SREBF1: variants seen among roughly 807,000 people sequenced by gnomAD.
SREBF1 encodes sterol regulatory element-binding protein 1.
In SREBF1, 45 loss-of-function variants were observed where a neutral mutation model predicts 100.1. That is an observed-to-expected ratio of 0.45 (90% CI 0.35 to 0.58). SREBF1 has a LOEUF of 0.58. Among genes scored for constraint, SREBF1 ranks in the 20% least tolerant of loss-of-function variants. SREBF1 has a pLI of 0.00. For synonymous variants in SREBF1, 657 were observed against 681.8 expected (o/e 0.96, Z 0.57); for missense variants, 1,324 against 1,539.4 (o/e 0.86, Z 2.34).
chr17:17,812,927 C>G (rs1330607697), intron 18 of SREBF1, 76 bp from the exon 19 acceptor site: 10 of 1,342,856 alleles, frequency 7.4e-6, no homozygotes, highest in Non-Finnish European at 9.8e-6. Flanking sequence ...CACACACAAG[C>G]CACGGCACCA....
Position 17,824,974 on chromosome 17 carries a change from C to A in SREBF1, c.92-4453G>T, listed in dbSNP as rs2034392069. Among the ~76,000 whole-genome samples the A allele has an allele frequency of 6.6e-6, 1 of 152,182 alleles. No individual in the cohort carries two copies. The highest frequency in any genetic ancestry group is 2.4e-5 in the African/African-American group (1 of 41,434). ...CCCTCCCCTCAGCCCGCGGGTGTTC[C>A]CTCACCCCCAAAACAAAACACAGCA... On this transcript the variant is annotated intron_variant, in intron 1 of 18. Transcript: ENST00000261646. This position sits in a 1 kb window ranked among gnomAD's most constrained non-coding sequence, Gnocchi z 4.2.
rs1369627970 is a variant in SREBF1, at chr17:17,820,013, C to T, written c.523+77G>A. The T allele has an allele frequency of 4.1e-6, 6 of 1,464,540 alleles. No homozygotes were observed. The African/African-American group carries it at 5.7e-5, about 14-fold the overall frequency. The allele number at this position is 1,464,540 out of a possible 1,614,324, so 90.7% of individuals were successfully genotyped here. A position where few individuals can be genotyped will look rare whatever the true frequency, so the allele number is the denominator to read the frequency against. On this transcript the variant is annotated intron_variant, in intron 2 of 18. Transcript: ENST00000261646. ...TAAAGCCTGCACAGACCTCTACTCA[C>T]ATCACAGCAGAAGCTTCTTCCTGTG... is the stretch of plus-strand genomic sequence containing the variant.
intron 1 of SREBF1, among the ~76,000 whole-genome samples, chr17:17,829,205 A>AATATATATATAT (rs71155305): frequency 1.1e-4 from 7 of 65,804 alleles, no homozygotes; most frequent in African/African-American, 5.3e-4. Flanking sequence ...AAAAAAAAAA[A>AATATATATATAT]ATATATATAT....
Position 17,812,562 on chromosome 17 carries a change from A to C in SREBF1, c.*60T>G. 6.6e-7 allele frequency: 1 copy of C among 1,510,264 alleles called. No individual in the cohort carries two copies. The allele number at this position is 1,510,264 out of a possible 1,614,324, so 93.6% of individuals were successfully genotyped here. On this transcript the variant is annotated 3_prime_UTR_variant, in exon 19 of 19. Transcript: ENST00000261646. ...GGCCTTCAAAGCTTCGACGCAGGAC[A>C]GAAGCTGCACGGGACCAAAGTGGCT...
At chr17:17,823,667 C>CA (rs1448204610) in intron 1 of SREBF1, 1 of 1,291,994 alleles carries the variant, frequency 7.7e-7, no homozygotes, top group Non-Finnish European at 1.1e-6. Flanking sequence ...CGCCCCGCCC[C>CA]GCCCCGCCCC....
intron 1 of SREBF1, among the ~76,000 whole-genome samples, chr17:17,832,381 TCTGACCCCCGA>T (rs944660021): frequency 6.6e-5 from 10 of 152,170 alleles, no homozygotes; most frequent in Non-Finnish European, 1.3e-4. Context: ...GTGCCCCTGC[TCTGACCCCCGA>T]CTGTCCTCAC....
intron 3 of SREBF1, 39 bp downstream of exon 3, chr17:17,819,499 G>C: frequency 6.2e-7 from 1 of 1,613,472 alleles, no homozygotes; most frequent in Non-Finnish European, 8.5e-7. Context: ...GTCTGGGCTG[G>C]GGCTGCCCCC....
Position 17,811,403 on chromosome 17 carries a change from G to GAAAAA in SREBF1, c.*1214_*1218dup. 8.6e-5 allele frequency: 14 copies of GAAAAA among 162,272 alleles called. No homozygotes were observed. The highest frequency in any genetic ancestry group is 1.3e-4 in the Non-Finnish European group (10 of 79,760). 10.1% of individuals were successfully genotyped at this position (162,272 alleles called of 1,614,324 possible). A position where few individuals can be genotyped will look rare whatever the true frequency, so the allele number is the denominator to read the frequency against. ...GAGTAAAAAACAGTCATTGCATTCA[G>GAAAAA]AAAAAAAAAAAAAAAAAAGTCAATA... On this transcript the variant is annotated 3_prime_UTR_variant, in exon 19 of 19. Coordinates refer to ENST00000261646, the MANE Select transcript of SREBF1 (RefSeq NM_004176.5).
intron 1 of SREBF1, among the ~76,000 whole-genome samples, chr17:17,830,886 G>T (rs545980923): frequency 6.6e-6 from 1 of 152,356 alleles, no homozygotes; most frequent in Non-Finnish European, 1.5e-5. Flanking sequence ...GGGTCAAAAG[G>T]CATGTCCACA....
At chr17:17,836,622 G>T in intron 1 of SREBF1, 105 bp downstream of exon 1, 1 of 1,182,838 alleles carries the variant, frequency 8.5e-7, no homozygotes. Flanking sequence ...CGCGAGCACA[G>T]CACGGAGCTG....
At chr17:17,819,933 C>T in intron 2 of SREBF1, 157 bp downstream of exon 2, 1 of 1,140,996 alleles carries the variant, frequency 8.8e-7, no homozygotes, top group Non-Finnish European at 1.2e-6. Context: ...GCAACAAGCA[C>T]ACCAGGACTG....
chr17:17,821,870 G>C (rs761580096), intron 1 of SREBF1, among the ~76,000 whole-genome samples: 3 of 152,248 alleles, frequency 2.0e-5, no homozygotes, highest in Non-Finnish European at 4.4e-5. Flanking sequence ...AGCCAGGCCC[G>C]CTGTGGGGCT....
intron 1 of SREBF1, among the ~76,000 whole-genome samples, chr17:17,833,467 A>G (rs56248913): frequency 0.19 from 23,679 of 125,816 alleles, 3,178 homozygotes; most frequent in Non-Finnish European, 0.28. Context: ...ATATATATAT[A>G]TATATATACA....
rs751370995 is a variant in SREBF1 at position 17,819,030 on chromosome 17, C to T, written c.1051G>A (p.Val351Met). 3 of 1,613,584 alleles carry T rather than the reference C, an allele frequency of 1.9e-6. No homozygotes were observed. The Admixed American group carries it at 5.0e-5, about 27-fold the overall frequency. ...CTCCACACCTTTGCCTCAGTGCCCA[C>T]CACCAGATCCTTGAGCTCAATGATT... Reference protein sequence around the residue: ...DKIIELKDLVVGTEAKLNKSA... With the variant: ...DKIIELKDLVMGTEAKLNKSA... Residue 351 changes from valine (V) to methionine (M), a missense_variant, in exon 5 of 19, where the codon GTG becomes ATG. Physicochemically the swap from Val to Met is conservative, Grantham distance 21. Coordinates refer to ENST00000261646, the MANE Select transcript of SREBF1 (RefSeq NM_004176.5).
intron 1 of SREBF1, among the ~76,000 whole-genome samples, chr17:17,830,990 C>A (rs1342357355): frequency 1.3e-5 from 2 of 152,240 alleles, no homozygotes; most frequent in African/African-American, 4.8e-5. Context: ...TCCCAGGCCT[C>A]TGCTGGCAGT....
At position 17,816,596 on chromosome 17, in the gene SREBF1, C is replaced by T. The variant is rs1382319446; in HGVS notation, c.1908G>A (p.Leu636=). 1.2e-6 allele frequency: 2 copies of T among 1,605,976 alleles called. No homozygotes were observed. Among genetic ancestry groups the T allele is most frequent in the South Asian group, 1.1e-5 (1 of 89,906 alleles). ...SLLWNLIRHL[L]QRLWVGRWLA... is the part of the protein sequence containing the mutation. ...GCCAGCGGCCCACCCAGAGACGCTG[C>T]AGCAGGTGACGGATGAGGTTCCAGA... The change falls in exon 10 of 19, where the codon CTG becomes CTA. Residue 636 remains leucine, a synonymous_variant. Transcript: ENST00000261646.
At chr17:17,816,861 C>T (rs1025409856) in intron 9 of SREBF1, 97 bp downstream of exon 9, 3 of 1,595,780 alleles carry the variant, frequency 1.9e-6, no homozygotes, top group Non-Finnish European at 2.6e-6. Flanking sequence ...GGGACAGATT[C>T]ATGGTGTGCA....
chr17:17,816,468 A>C lies in SREBF1; in HGVS notation c.2036T>G (p.Leu679Arg), dbSNP rs1395326801. Residue 679 changes from leucine (L) to arginine (R), a missense_variant, in exon 10 of 19, where the codon CTG becomes CGG. Coordinates refer to ENST00000261646, the MANE Select transcript of SREBF1 (RefSeq NM_004176.5). ...ACGCTCAGTCCTACCCATGGTGTGC[A>C]GCTGGTGCAGCTTATGGTAGACCAG... ...AALVYHKLHQ[L>R]HTMGKHTGGH... 6.2e-7 allele frequency: 1 copy of C among 1,606,086 alleles called. No individual in the cohort carries two copies. The highest frequency in any genetic ancestry group is 8.5e-7 in the Non-Finnish European group (1 of 1,177,166).
At chr17:17,822,966 A>G (rs939005912) in intron 1 of SREBF1, among the ~76,000 whole-genome samples, 1 of 152,206 alleles carries the variant, frequency 6.6e-6, no homozygotes, top group Non-Finnish European at 1.5e-5. Flanking sequence ...TGGACCCCCC[A>G]GGTCACAAGT....
Sources: allele counts gnomAD v4.1 joint callset (sites outside exome capture counted in the v4.1 genomes callset), GRCh38; gene constraint gnomAD v4.1.1; non-coding constraint Gnocchi (gnomAD v3.1); transcripts MANE v1.5; gene names NCBI Gene and HGNC (gene_info 2026-07-23, HGNC 2026-07-21).